DAB2IP: variants seen among roughly 807,000 people sequenced by gnomAD.
DAB2IP encodes the protein disabled homolog 2-interacting protein.
DAB2IP carries 28 observed loss-of-function variants against 107.2 expected under a neutral mutation model. The observed-to-expected ratio is 0.26, with a 90% CI of 0.19 to 0.36. The LOEUF (loss-of-function observed/expected upper bound fraction) is 0.36, where lower values mean the gene tolerates loss of function less well. Ranked by LOEUF, DAB2IP falls within the 10% of genes least tolerant of loss-of-function variation. The pLI is 1.00. For missense variants in DAB2IP, 1,400 were observed against 1,644.7 expected (o/e 0.85, Z 2.57); for synonymous variants, 755 against 706.4 (o/e 1.07, Z -1.09).
chr9:121,600,849 G>A (rs373383305), intron 1 of DAB2IP, among the ~76,000 whole-genome samples: 60 of 152,192 alleles, frequency 3.9e-4, no homozygotes, highest in Middle Eastern at 3.4e-3. Context: ...AGGTTTTTTC[G>A]AGGTGAGGCG....
intron 1 of DAB2IP, among the ~76,000 whole-genome samples, chr9:121,568,679 G>A (rs1829862535): frequency 6.6e-6 from 1 of 152,224 alleles, no homozygotes; most frequent in Admixed American, 6.5e-5. Flanking sequence ...CTGTTCACTG[G>A]AAGCTTGGCA....
At chr9:121,672,989 A>G (rs1833742118) in intron 1 of DAB2IP, among the ~76,000 whole-genome samples, 1 of 152,226 alleles carries the variant, frequency 6.6e-6, no homozygotes, top group Non-Finnish European at 1.5e-5. Flanking sequence ...CCGAGGCTGA[A>G]TCCCCAGGGT....
intron 1 of DAB2IP, among the ~76,000 whole-genome samples, chr9:121,624,524 C>A (rs555807163): frequency 1.1e-4 from 16 of 152,160 alleles, no homozygotes; most frequent in Non-Finnish European, 2.4e-4. Context: ...AAGGACAGAC[C>A]AATAAGGTCC....
At chr9:121,594,390 A>G (rs1830483803) in intron 1 of DAB2IP, among the ~76,000 whole-genome samples, 1 of 151,946 alleles carries the variant, frequency 6.6e-6, no homozygotes, top group South Asian at 2.1e-4. Context: ...GGTGTGTGCC[A>G]CCATGCCCAC....
intron 3 of DAB2IP, among the ~76,000 whole-genome samples, chr9:121,723,789 A>T (rs1831075130): frequency 6.6e-6 from 1 of 152,130 alleles, no homozygotes; most frequent in African/African-American, 2.4e-5. Context: ...AGGAGGGTGC[A>T]TGGTGAAGAT....
At chr9:121,650,276 C>T (rs1832690820), upstream of DAB2IP, among the ~76,000 whole-genome samples, 1 of 152,292 alleles carries the variant, frequency 6.6e-6, no homozygotes, top group East Asian at 1.9e-4. Flanking sequence ...GGAGTAACAC[C>T]CCTCCTGCCC....
At chr9:121,663,175 C>T (rs1833276982) in intron 1 of DAB2IP, among the ~76,000 whole-genome samples, 2 of 151,994 alleles carry the variant, frequency 1.3e-5, no homozygotes, top group African/African-American at 4.8e-5. Context: ...TTAGGGAGCT[C>T]AAGTAGAGAA....
intron 14 of DAB2IP, among the ~76,000 whole-genome samples, chr9:121,779,134 AATT>A (rs1330291986): frequency 1.3e-5 from 2 of 151,910 alleles, no homozygotes; most frequent in African/African-American, 4.8e-5. Flanking sequence ...CAAGTTTGCT[AATT>A]ATTTCTTCTT....
chr9:121,661,263 T>G (rs1010553731), intron 1 of DAB2IP, among the ~76,000 whole-genome samples: 8 of 149,642 alleles, frequency 5.3e-5, no homozygotes, highest in Non-Finnish European at 1.0e-4. Flanking sequence ...GGAGAGGAGG[T>G]GTGGGGTGCA....
intron 2 of DAB2IP, among the ~76,000 whole-genome samples, chr9:121,685,975 C>A (rs1192114884): frequency 1.3e-5 from 2 of 152,134 alleles, no homozygotes; most frequent in African/African-American, 4.8e-5. Flanking sequence ...GATCTAAGGC[C>A]ATATTAACAG....
At chr9:121,690,872 C>G (rs1829127100) in intron 2 of DAB2IP, among the ~76,000 whole-genome samples, 1 of 152,150 alleles carries the variant, frequency 6.6e-6, no homozygotes, top group Non-Finnish European at 1.5e-5. Context: ...TGTGATAACT[C>G]CAGGGGCCTC....
chr9:121,592,134 G>A (rs949591146), intron 1 of DAB2IP, among the ~76,000 whole-genome samples: 3 of 152,282 alleles, frequency 2.0e-5, no homozygotes, highest in East Asian at 1.9e-4. Context: ...TTGGGAGGCC[G>A]AGGTAGGCAG....
intron 1 of DAB2IP, among the ~76,000 whole-genome samples, chr9:121,611,466 G>A (rs1831093598): frequency 6.6e-6 from 1 of 152,158 alleles, no homozygotes; most frequent in South Asian, 2.1e-4. Context: ...GGTTCTGGCT[G>A]CTCTACCTAC....
At chr9:121,680,983 T>TCCTA (rs898913412) in intron 2 of DAB2IP, among the ~76,000 whole-genome samples, 2 of 152,134 alleles carry the variant, frequency 1.3e-5, no homozygotes, top group African/African-American at 4.8e-5. Context: ...CCTCAGGTGA[T>TCCTA]CCTACCACCT....
chr9:121,775,642 G>T (rs1021321755), intron 13 of DAB2IP, among the ~76,000 whole-genome samples: 1 of 152,232 alleles, frequency 6.6e-6, no homozygotes, highest in African/African-American at 2.4e-5. Context: ...GACTGAGGCA[G>T]ATCCAGAGCC....
chr9:121,685,882 G>A (rs1175625803), intron 2 of DAB2IP, among the ~76,000 whole-genome samples: 1 of 152,236 alleles, frequency 6.6e-6, no homozygotes, highest in African/African-American at 2.4e-5. Flanking sequence ...AGCAGGAACT[G>A]AGCGCAGTTT....
At chr9:121,727,935 T>A (rs1317360848) in intron 3 of DAB2IP, among the ~76,000 whole-genome samples, 1 of 152,190 alleles carries the variant, frequency 6.6e-6, no homozygotes, top group Non-Finnish European at 1.5e-5. Flanking sequence ...ATCCTTTGCA[T>A]GCCTTCATTG....
intron 3 of DAB2IP, among the ~76,000 whole-genome samples, chr9:121,746,197 G>A (rs564556909): frequency 6.6e-5 from 10 of 152,306 alleles, no homozygotes; most frequent in Non-Finnish European, 1.2e-4. Context: ...AGGGCGTGCG[G>A]GAAGGGACAG....
chr9:121,668,852 T>G (rs941706231), intron 1 of DAB2IP, among the ~76,000 whole-genome samples: 2 of 151,826 alleles, frequency 1.3e-5, no homozygotes, highest in Non-Finnish European at 2.9e-5. Flanking sequence ...AAACATCATA[T>G]TAATCACATA....
Sources: gnomAD v4.1 joint callset for allele counts (sites outside exome capture counted in the v4.1 genomes callset) on GRCh38, gnomAD v4.1.1 for gene constraint, MANE v1.5 for transcripts, NCBI Gene and HGNC (gene_info 2026-07-23, HGNC 2026-07-21) for gene names.